APBB2: variants seen among roughly 807,000 people sequenced by gnomAD.
APBB2 encodes amyloid beta precursor protein binding family B member 2.
In APBB2, 38 loss-of-function variants were observed where a neutral mutation model predicts 82.5. The observed-to-expected ratio is 0.46, with a 90% CI of 0.36 to 0.60. The LOEUF (loss-of-function observed/expected upper bound fraction) is 0.60. Among genes scored for constraint, APBB2 ranks in the 20% least tolerant of loss-of-function variants. The probability of loss-of-function intolerance (pLI) is 0.00; values close to 1 mark genes in which losing one functional copy is unlikely to be tolerated. For missense variants in APBB2, 772 were observed against 972.3 expected (o/e 0.79, Z 2.74); for synonymous variants, 341 against 368.2 (o/e 0.93, Z 0.85).
chr4:40,812,481 A>AAGTT lies in APBB2; in HGVS notation c.*3607_*3610dup, dbSNP rs1239442827. The AAGTT allele has an allele frequency of 2.0e-5, 3 of 152,240 alleles. No homozygotes were observed. The highest frequency in any genetic ancestry group is 2.0e-4 in the Admixed American group (3 of 15,284). 9.4% of individuals were successfully genotyped at this position (152,240 alleles called of 1,614,324 possible). ...AGTGGGTATCTTTGCCCTGAAGCTGAAGTTAAACTTTCTACTGGCCGTGTG... is the reference window on the plus strand; with the variant it reads ...AGTGGGTATCTTTGCCCTGAAGCTGAAGTTAGTTAAACTTTCTACTGGCCGTGTG... On this transcript the variant is annotated 3_prime_UTR_variant, in exon 18 of 18. Coordinates refer to ENST00000508593, the MANE Select transcript of APBB2 (RefSeq NM_004307.2).
At chr4:41,024,179 A>C (rs1712974209) in intron 5 of APBB2, among the ~76,000 whole-genome samples, 1 of 152,254 alleles carries the variant, frequency 6.6e-6, no homozygotes, top group South Asian at 2.1e-4. Context: ...TACAAAAATC[A>C]ACTCAAGATG....
intron 1 of APBB2, among the ~76,000 whole-genome samples, chr4:41,204,246 G>A (rs541314395): frequency 7.9e-5 from 12 of 152,348 alleles, no homozygotes; most frequent in Non-Finnish European, 8.8e-5. Flanking sequence ...CATCCTGAGG[G>A]CAGCAAGGAG....
At chr4:41,184,000 C>A (rs1038419250) in intron 1 of APBB2, among the ~76,000 whole-genome samples, 10 of 151,790 alleles carry the variant, frequency 6.6e-5, no homozygotes, top group African/African-American at 1.7e-4. Flanking sequence ...CTAGATGGTC[C>A]CATCTGGGAG....
intron 4 of APBB2, among the ~76,000 whole-genome samples, chr4:41,051,419 TG>T (rs1397598606): frequency 6.6e-6 from 1 of 152,216 alleles, no homozygotes; most frequent in African/African-American, 2.4e-5. Context: ...CTGCACTAGT[TG>T]GTCACAAAGT....
chr4:41,054,110 C>T (rs1727005523), intron 4 of APBB2, among the ~76,000 whole-genome samples: 1 of 152,216 alleles, frequency 6.6e-6, no homozygotes, highest in Admixed American at 6.5e-5. Flanking sequence ...GCAGGTATCT[C>T]TGAGGCTCTT....
At chr4:40,899,388 G>C (rs1774618069) in intron 10 of APBB2, among the ~76,000 whole-genome samples, 1 of 152,088 alleles carries the variant, frequency 6.6e-6, no homozygotes, top group African/African-American at 2.4e-5. Flanking sequence ...ATCTTAGTTG[G>C]AACACTCATC....
intron 4 of APBB2, among the ~76,000 whole-genome samples, chr4:41,057,201 A>T (rs1031252166): frequency 9.2e-5 from 14 of 152,232 alleles, no homozygotes; most frequent in African/African-American, 3.4e-4. Context: ...CTGTAATCCC[A>T]GCACTTTGGG....
intron 4 of APBB2, among the ~76,000 whole-genome samples, chr4:41,048,808 G>A (rs1041581275): frequency 2.0e-5 from 3 of 152,024 alleles, no homozygotes; most frequent in Non-Finnish European, 2.9e-5. Context: ...GAGTGCCTGC[G>A]ATTGCAGGCG....
At chr4:41,055,045 C>T (rs768825171) in intron 4 of APBB2, among the ~76,000 whole-genome samples, 1 of 152,188 alleles carries the variant, frequency 6.6e-6, no homozygotes, top group Non-Finnish European at 1.5e-5. Context: ...CCTTCTCCAA[C>T]CTCATCTCCC....
chr4:41,048,890 G>C (rs1329287019), intron 4 of APBB2, among the ~76,000 whole-genome samples: 1 of 152,188 alleles, frequency 6.6e-6, no homozygotes, highest in Non-Finnish European at 1.5e-5. Context: ...GGCCGGGCTG[G>C]TCTCCAGCTC....
At chr4:41,130,520 T>C (rs189408332) in intron 2 of APBB2, among the ~76,000 whole-genome samples, 7 of 152,322 alleles carry the variant, frequency 4.6e-5, no homozygotes, top group Non-Finnish European at 7.3e-5. Context: ...ACAGCACTTC[T>C]GCTATCAGAA....
At chr4:40,888,750 A>G (rs866517386) in intron 12 of APBB2, among the ~76,000 whole-genome samples, 1,779 of 83,602 alleles carry the variant, frequency 0.021, 22 homozygotes, top group Middle Eastern at 0.029. Flanking sequence ...CCTCGCACAC[A>G]TATGTAGTGT....
chr4:40,945,780 T>C (rs879934745), intron 6 of APBB2, among the ~76,000 whole-genome samples: 8 of 152,204 alleles, frequency 5.3e-5, no homozygotes, highest in Non-Finnish European at 1.0e-4. Flanking sequence ...GCCAGGCTTT[T>C]TGTATTTTTA....
intron 1 of APBB2, among the ~76,000 whole-genome samples, chr4:41,182,471 G>C (rs541211258): frequency 3.0e-4 from 45 of 152,334 alleles, no homozygotes; most frequent in Middle Eastern, 3.4e-3. Flanking sequence ...GTATAGTGGT[G>C]AACATAGCTG....
chr4:41,100,880 A>G (rs1210800044), intron 2 of APBB2, 130 bp from the exon 3 acceptor site: 3 of 152,246 alleles, frequency 2.0e-5, no homozygotes, highest in Non-Finnish European at 4.4e-5. Context: ...TCCTTAAATG[A>G]TGAGAAATGT....
intron 2 of APBB2, among the ~76,000 whole-genome samples, chr4:41,111,051 A>T (rs1749025147): frequency 5.3e-5 from 8 of 152,218 alleles, no homozygotes. Flanking sequence ...TTAGATTCTC[A>T]TAACGAGTGG....
intron 2 of APBB2, among the ~76,000 whole-genome samples, chr4:41,139,785 C>A (rs1399376672): frequency 6.6e-6 from 1 of 152,022 alleles, no homozygotes; most frequent in Admixed American, 6.6e-5. Flanking sequence ...GTAGAACATG[C>A]AATTCTTTTA....
At chr4:40,945,094 G>A (rs373638836) in intron 6 of APBB2, 21 bp from the exon 7 acceptor site, 12 of 881,170 alleles carry the variant, frequency 1.4e-5, no homozygotes, top group Non-Finnish European at 2.1e-5. Context: ...GGGGGGCGGG[G>A]CGGGGGGAGA....
At chr4:41,094,669 A>T (rs1742911939) in intron 3 of APBB2, among the ~76,000 whole-genome samples, 1 of 152,142 alleles carries the variant, frequency 6.6e-6, no homozygotes, top group African/African-American at 2.4e-5. Flanking sequence ...GGTTCAAGCG[A>T]TTCTCCTGCC....
Sources: gnomAD v4.1 joint callset for allele counts (sites outside exome capture counted in the v4.1 genomes callset) on GRCh38, gnomAD v4.1.1 for gene constraint, MANE v1.5 for transcripts, NCBI Gene and HGNC (gene_info 2026-07-23, HGNC 2026-07-21) for gene names.